MDM1: variants seen among roughly 807,000 people sequenced by gnomAD.
MDM1 encodes stabilizer of axonemal microtubules 6.
In MDM1, 61 loss-of-function variants were observed where a neutral mutation model predicts 89.1. That is an observed-to-expected ratio of 0.68 (90% confidence interval 0.56 to 0.85). MDM1 has a LOEUF of 0.85. Among genes scored for constraint, MDM1 ranks in the 40% least tolerant of loss-of-function variants. MDM1 has a pLI of 0.00. For missense variants in MDM1, 820 were observed against 846.5 expected (o/e 0.97, Z 0.39); for synonymous variants, 290 against 294.1 (o/e 0.99, Z 0.14).
In MDM1 at chr12:68,302,658, A is replaced by T; in HGVS notation, c.1964T>A (p.Ile655Asn). The T allele has an allele frequency of 6.2e-7, 1 of 1,613,936 alleles. No individual in the cohort carries two copies. The highest frequency in any genetic ancestry group is 8.5e-7 in the Non-Finnish European group (1 of 1,179,854). The change falls in exon 13 of 15, where the codon ATT becomes AAT. Residue 655 changes from isoleucine to asparagine, a missense_variant. By Grantham distance (149) the Ile-to-Asn change is moderately radical. Coordinates refer to ENST00000682720, the MANE Select transcript of MDM1 (RefSeq NM_001354969.2). ...CTCTGGATCTCTAAGAGAGCCCTGA[A>T]TTCGTCGAGAGGGATGCCAGTAGGA... The part of the protein sequence containing the change: ...VPSYWHPSRR[I>N]QGSLRDPEFQ...
chr12:68,322,751 T>C (rs2121093963), intron 5 of MDM1, among the ~76,000 whole-genome samples: 1 of 152,352 alleles, frequency 6.6e-6, no homozygotes, highest in East Asian at 1.9e-4. Context: ...ATCCAGTCAT[T>C]TGATATTAAA....
chr12:68,299,126 A>T lies in MDM1; in HGVS notation c.2003-2144T>A, dbSNP rs181286284. 4.7e-3 allele frequency among the ~76,000 whole-genome samples: 719 copies of T among 152,142 alleles called. 3 individuals carry two copies. The highest frequency in any genetic ancestry group is 0.016 in the African/African-American group (661 of 41,518). ...ATTCTTAAGAGGGGAAAAAAATTTT[A>T]AAAAAAACACACATAGTCAAATCAA... On this transcript the variant is annotated intron_variant, in intron 13 of 14. Coordinates refer to ENST00000682720, the MANE Select transcript of MDM1 (RefSeq NM_001354969.2).
At position 68,302,681 on chromosome 12, in the gene MDM1, G is replaced by T. The variant is rs750758089; in HGVS notation, c.1941C>A (p.Ser647=). ...GAATTCGTCGAGAGGGATGCCAGTA[G>T]GATGGAACATGTGGTGGAGAAGGCA... The part of the protein sequence containing the change: ...GQLPSPPHVP[S]YWHPSRRIQG... The change falls in exon 13 of 15, where the codon TCC becomes TCA. Residue 647 remains serine, a synonymous_variant. Transcript: ENST00000682720. 4 of 1,613,928 alleles carry T rather than the reference G, an allele frequency of 2.5e-6. No individual in the cohort carries two copies.
In MDM1 at chr12:68,313,444, T is replaced by G; in HGVS notation, c.1748A>C (p.Lys583Thr). The change falls in exon 12 of 15, where the codon AAG becomes ACG. Residue 583 changes from lysine to threonine, a missense_variant and splice_region_variant. By Grantham distance (78) the Lys-to-Thr change is moderately conservative. Coordinates refer to ENST00000682720, the MANE Select transcript of MDM1 (RefSeq NM_001354969.2). ...CLETSKNDFT[K>T]KESRAVSLLT... The stretch of plus-strand genomic sequence containing the variant: ...CTTTTTTCCCCAAAACATGTTTACC[T>G]TAGTAAAATCATTCTTTGAAGTTTC... The G allele has an allele frequency of 6.2e-7, 1 of 1,603,850 alleles. No homozygotes were observed. Among genetic ancestry groups the G allele is most frequent in the South Asian group, 1.1e-5 (1 of 90,646 alleles).
At chr12:68,307,971 A>T (rs908120013) in intron 12 of MDM1, among the ~76,000 whole-genome samples, 12 of 139,948 alleles carry the variant, frequency 8.6e-5, no homozygotes, top group Admixed American at 2.2e-4. Context: ...AAATTAAATT[A>T]AAAAAAAAAA....
At chr12:68,325,052 C>A (rs889997562) in intron 4 of MDM1, 2 of 972,038 alleles carry the variant, frequency 2.1e-6, no homozygotes, top group Admixed American at 6.2e-5. Context: ...AGCAGTTACG[C>A]CTTTCTTAGA....
At chr12:68,330,225 A>G (rs1005394391) in intron 2 of MDM1, among the ~76,000 whole-genome samples, 2 of 152,134 alleles carry the variant, frequency 1.3e-5, no homozygotes, top group Non-Finnish European at 2.9e-5. Context: ...CAGTTAAGGG[A>G]CTTTGGTTCA....
intron 7 of MDM1, 128 bp from the exon 8 acceptor site, chr12:68,316,738 G>T: frequency 1.3e-6 from 1 of 771,474 alleles, no homozygotes; most frequent in Non-Finnish European, 2.0e-6. Flanking sequence ...ATATTTCTTG[G>T]GATTTTTAGT....
chr12:68,332,111 G>A (rs1338303293), intron 1 of MDM1, 117 bp downstream of exon 1: 38 of 1,424,476 alleles, frequency 2.7e-5, no homozygotes, highest in Middle Eastern at 1.8e-4. Flanking sequence ...CCTGGGGCTG[G>A]CAGCTTCCGC....
chr12:68,316,747 G>GT, intron 7 of MDM1, 137 bp from the exon 8 acceptor site: 1 of 731,430 alleles, frequency 1.4e-6, no homozygotes, highest in South Asian at 1.8e-5. Context: ...GGGATTTTTA[G>GT]TAATTAGTTC....
chr12:68,309,615 A>G (rs987940472), intron 12 of MDM1, among the ~76,000 whole-genome samples: 4 of 152,214 alleles, frequency 2.6e-5, no homozygotes, highest in African/African-American at 4.8e-5. Context: ...GGTTTTTAAT[A>G]TAAAGATTTG....
chr12:68,315,215 T>G lies in MDM1; in HGVS notation c.1262A>C (p.Glu421Ala), dbSNP rs558151319. 9.9e-6 allele frequency: 16 copies of G among 1,614,222 alleles called. No individual in the cohort carries two copies. In the African/African-American group the frequency reaches 2.0e-4, roughly 20 times the overall value. The change falls in exon 10 of 15, where the codon GAA becomes GCA. Residue 421 changes from glutamate to alanine, a missense_variant. Glu to Ala is a moderately radical substitution (Grantham distance 107). Coordinates refer to ENST00000682720, the MANE Select transcript of MDM1 (RefSeq NM_001354969.2). ...TTCTTCCACGATATTTCCTTTTTCT[T>G]CTGGTTCTGTAGAAGGACATTTCTG... ...TLQKCPSTEPEEKGNIVEEQP... is the reference protein window; with the variant it reads ...TLQKCPSTEPAEKGNIVEEQP...
intron 13 of MDM1, among the ~76,000 whole-genome samples, chr12:68,299,091 T>G (rs1182529655): frequency 6.6e-6 from 1 of 151,878 alleles, no homozygotes; most frequent in East Asian, 1.9e-4. Context: ...ATTATAATCA[T>G]TAAGGTCACA....
At chr12:68,306,893 A>T (rs1229858255) in intron 12 of MDM1, among the ~76,000 whole-genome samples, 2 of 152,234 alleles carry the variant, frequency 1.3e-5, no homozygotes, top group Non-Finnish European at 2.9e-5. Flanking sequence ...CTGCACTCAT[A>T]GGTTTATTCC....
chr12:68,323,786 A>G (rs1475591588), intron 4 of MDM1, among the ~76,000 whole-genome samples: 1 of 152,198 alleles, frequency 6.6e-6, no homozygotes, highest in Non-Finnish European at 1.5e-5. Flanking sequence ...ACTGATTACA[A>G]GGAAAGCAAA....
intron 12 of MDM1, 29 bp downstream of exon 12, chr12:68,313,413 GA>G (rs1873973551): frequency 6.9e-7 from 1 of 1,441,800 alleles, no homozygotes; most frequent in Non-Finnish European, 9.7e-7. Context: ...AGTCCTAGAT[GA>G]GATGCTTTTT....
At chr12:68,326,398 A>C in intron 3 of MDM1, 1 of 1,444,914 alleles carries the variant, frequency 6.9e-7, no homozygotes, top group Non-Finnish European at 9.1e-7. Context: ...CTAATATATG[A>C]TGAATAAAAT....
intron 10 of MDM1, among the ~76,000 whole-genome samples, chr12:68,314,613 TAAAG>T (rs767126557): frequency 1.1e-4 from 16 of 152,342 alleles, no homozygotes; most frequent in Non-Finnish European, 2.2e-4. Context: ...CATCTGATAT[TAAAG>T]AACACCAGTT....
intron 2 of MDM1, 71 bp from the exon 3 acceptor site, chr12:68,327,092 T>C: frequency 6.7e-7 from 1 of 1,497,500 alleles, no homozygotes; most frequent in Non-Finnish European, 8.8e-7. Flanking sequence ...TTAAGAACAC[T>C]TGTGGAGGAG....
Sources: allele counts gnomAD v4.1 joint callset (sites outside exome capture counted in the v4.1 genomes callset), GRCh38; gene constraint gnomAD v4.1.1; transcripts MANE v1.5; gene names NCBI Gene and HGNC (gene_info 2026-07-23, HGNC 2026-07-21).